FAM227B: variants seen among roughly 807,000 people sequenced by gnomAD.
FAM227B encodes the protein protein FAM227B.
FAM227B carries 88 observed loss-of-function variants against 73.8 expected under a neutral mutation model. The ratio of observed to expected loss-of-function variants is 1.19; its 90% CI spans 1.00 to 1.42. The LOEUF is 1.42. FAM227B is among the 40% of genes most tolerant of loss of function. The probability of loss-of-function intolerance (pLI) is 0.00; values close to 1 mark genes in which losing one functional copy is unlikely to be tolerated. For synonymous variants in FAM227B, 210 were observed against 190.5 expected (o/e 1.10, Z -0.84); for missense variants, 632 against 590.9 (o/e 1.07, Z -0.72).
At chr15:49,553,314 G>A (rs1333066394) in intron 9 of FAM227B, among the ~76,000 whole-genome samples, 12 of 152,152 alleles carry the variant, frequency 7.9e-5, no homozygotes, top group African/African-American at 2.9e-4. Flanking sequence ...ACCTAAAAAT[G>A]TAGGTGGAGT....
chr15:49,476,300 A>G (rs1486271366), intron 11 of FAM227B, among the ~76,000 whole-genome samples: 1 of 150,800 alleles, frequency 6.6e-6, no homozygotes, highest in African/African-American at 2.4e-5. Context: ...GTGGAAAAAG[A>G]AAATACTAAC....
intron 11 of FAM227B, among the ~76,000 whole-genome samples, chr15:49,431,148 CTT>C (rs1239641006): frequency 1.5e-4 from 23 of 151,714 alleles, no homozygotes; most frequent in Non-Finnish European, 1.5e-5. Context: ...AAAAATGACT[CTT>C]GTTCAATGAA....
chr15:49,497,313 T>C (rs1267049864), intron 11 of FAM227B, among the ~76,000 whole-genome samples: 2 of 152,220 alleles, frequency 1.3e-5, no homozygotes, highest in Non-Finnish European at 2.9e-5. Context: ...GAATCTTATG[T>C]TCAGAGAATT....
chr15:49,563,345 A>G (rs2074401477), intron 9 of FAM227B, among the ~76,000 whole-genome samples: 1 of 152,166 alleles, frequency 6.6e-6, no homozygotes, highest in Non-Finnish European at 1.5e-5. Flanking sequence ...CATAGATGAC[A>G]TGAACAAACG....
rs774318678 is a variant in FAM227B, at chr15:49,328,674, C to T, written c.1421G>A (p.Arg474His). 5.2e-5 allele frequency: 81 copies of T among 1,555,252 alleles called. 1 individual carries two copies. Among genetic ancestry groups the T allele is most frequent in the East Asian group, 1.2e-4 (5 of 41,690 alleles). The stretch of plus-strand genomic sequence containing the variant: ...TTCTCTCTCAATTTCAGCTTCGGAA[C>T]GCTATGAAAATAATACATGATTAAA... ...QDFEKFLHKL[R>H]SEAEIERECV... Residue 474 changes from arginine (R) to histidine (H), a missense_variant and splice_region_variant, in exon 16 of 16, where the codon CGT (arginine) becomes CAT (histidine). By Grantham distance (29) the Arg-to-His change is conservative (BLOSUM62 0). Transcript: ENST00000299338.
At chr15:49,484,016 G>C (rs1224041184) in intron 11 of FAM227B, among the ~76,000 whole-genome samples, 2 of 151,974 alleles carry the variant, frequency 1.3e-5, no homozygotes. Context: ...CTGTTACTTA[G>C]GGGGAAATAG....
chr15:49,551,377 AG>A (rs1358867213), intron 9 of FAM227B, among the ~76,000 whole-genome samples: 1 of 152,090 alleles, frequency 6.6e-6, no homozygotes, highest in East Asian at 1.9e-4. Flanking sequence ...TTCTTCTTAT[AG>A]TTTCTGTATT....
chr15:49,403,959 T>A (rs1030258809), intron 11 of FAM227B, among the ~76,000 whole-genome samples: 1 of 152,206 alleles, frequency 6.6e-6, no homozygotes, highest in Non-Finnish European at 1.5e-5. Context: ...GTATGTTGCA[T>A]CTTTGTTCTC....
At chr15:49,575,471 G>T (rs1368719895) in intron 7 of FAM227B, among the ~76,000 whole-genome samples, 1 of 151,800 alleles carries the variant, frequency 6.6e-6, no homozygotes, top group Non-Finnish European at 1.5e-5. Flanking sequence ...TTCATCAGAA[G>T]TACTAGATTA....
At chr15:49,584,408 A>G (rs1248325716) in intron 5 of FAM227B, among the ~76,000 whole-genome samples, 1 of 152,222 alleles carries the variant, frequency 6.6e-6, no homozygotes, top group East Asian at 1.9e-4. Flanking sequence ...AGCCAATGTC[A>G]TAATAAATAG....
intron 11 of FAM227B, among the ~76,000 whole-genome samples, chr15:49,446,350 T>A (rs945851114): frequency 6.6e-6 from 1 of 151,724 alleles, no homozygotes; most frequent in African/African-American, 2.4e-5. Context: ...GGTGACATTG[T>A]GTAATAATGG....
chr15:49,591,967 C>T (rs1296715894), intron 3 of FAM227B, among the ~76,000 whole-genome samples: 1 of 152,170 alleles, frequency 6.6e-6, no homozygotes, highest in Non-Finnish European at 1.5e-5. Flanking sequence ...ATCGAATTGG[C>T]TATTGAAGCT....
At chr15:49,429,759 C>G (rs1022234398) in intron 11 of FAM227B, among the ~76,000 whole-genome samples, 33 of 151,802 alleles carry the variant, frequency 2.2e-4, no homozygotes, top group African/African-American at 8.0e-4. Context: ...AAAAGCTTCC[C>G]CAGATAATTC....
intron 11 of FAM227B, among the ~76,000 whole-genome samples, chr15:49,412,026 T>C (rs1030912581): frequency 3.3e-5 from 5 of 152,096 alleles, no homozygotes; most frequent in African/African-American, 1.2e-4. Flanking sequence ...TTATTACACA[T>C]ACAGTACTTG....
At chr15:49,497,524 C>A (rs889027946) in intron 11 of FAM227B, among the ~76,000 whole-genome samples, 1 of 152,142 alleles carries the variant, frequency 6.6e-6, no homozygotes, top group African/African-American at 2.4e-5. Context: ...TTGGGGGAGG[C>A]ACTCACTGAC....
intron 3 of FAM227B, among the ~76,000 whole-genome samples, chr15:49,601,935 A>C (rs1343645008): frequency 6.6e-6 from 1 of 152,070 alleles, no homozygotes; most frequent in Non-Finnish European, 1.5e-5. Flanking sequence ...TCAACATAAA[A>C]ATTTTCAGTT....
intron 11 of FAM227B, among the ~76,000 whole-genome samples, chr15:49,457,100 A>T (rs1043138175): frequency 6.6e-6 from 1 of 152,062 alleles, no homozygotes; most frequent in East Asian, 1.9e-4. Context: ...AGACTCCATA[A>T]TTTACAGCAA....
Position 49,568,247 on chromosome 15 carries a change from G to GA in FAM227B, c.744dup (p.Gln249SerfsTer5), listed in dbSNP as rs762018430. ...TAACTGTTAATTTCAATGCTTACCT[G>GA]AAAAAATGCATCCTTTCGACTTAGA... is the stretch of plus-strand genomic sequence containing the variant. On this transcript the variant is annotated frameshift_variant, in exon 9 of 16. Transcript: ENST00000299338. LOFTEE classifies it high-confidence loss of function. The GA allele has an allele frequency of 2.5e-6, 4 of 1,602,060 alleles. No individual in the cohort carries two copies. The South Asian group carries it at 3.4e-5, about 14-fold the overall frequency.
chr15:49,347,160 G>A (rs920869891), intron 13 of FAM227B, among the ~76,000 whole-genome samples: 22 of 152,008 alleles, frequency 1.4e-4, no homozygotes, highest in Admixed American at 3.3e-4. Flanking sequence ...TTGAGGGAAG[G>A]GCTATTGAAA....
Sources: gnomAD v4.1 joint callset for allele counts (sites outside exome capture counted in the v4.1 genomes callset) on GRCh38, gnomAD v4.1.1 for gene constraint, MANE v1.5 for transcripts, NCBI Gene and HGNC (gene_info 2026-07-23, HGNC 2026-07-21) for gene names.